Variants in SHANK2 observed in about 807,000 individuals in gnomAD.
SHANK2 encodes SH3 and multiple ankyrin repeat domains protein 2.
Under a neutral mutation model 133.7 loss-of-function variants are expected in SHANK2, and 43 were observed. That is an observed-to-expected ratio of 0.32 (90% confidence interval 0.25 to 0.41). The LOEUF is 0.41. Ranked by LOEUF, SHANK2 falls within the 10% of genes least tolerant of loss-of-function variation. SHANK2 has a pLI of 1.00. For synonymous variants in SHANK2, 1,017 were observed against 952.8 expected (o/e 1.07, Z -1.24); for missense variants, 1,994 against 2,235.8 (o/e 0.89, Z 2.18).
rs914534270 is a variant in SHANK2 at position 71,081,161 on chromosome 11, T to C, written c.913-5886A>G. ...ACACAGACACACAGAGGGACGACCC[T>C]GTGAAGATGCAGAGAAAAGGCGGTG... On this transcript the variant is annotated intron_variant, in intron 8 of 25. Transcript: ENST00000601538. 2.6e-5 allele frequency among the ~76,000 whole-genome samples: 4 copies of C among 152,190 alleles called. No individual in the cohort carries two copies. The East Asian group carries it at 7.7e-4, about 29-fold the overall frequency.
chr11:70,767,017 G>A (rs548871643), intron 14 of SHANK2, among the ~76,000 whole-genome samples: 64 of 152,372 alleles, frequency 4.2e-4, no homozygotes, highest in Middle Eastern at 3.4e-3. Context: ...GGCCTACTGT[G>A]TGCCAGGCAC....
rs1172329317 is a variant in SHANK2 at position 70,487,344 on chromosome 11, C to G, written c.2949G>C (p.Gln983His). The change falls in exon 25 of 26, where the codon CAG (glutamine) becomes CAC (histidine). Residue 983 changes from glutamine (Q) to histidine (H), a missense_variant. This residue lies in a region of SHANK2 where 488 missense variants were observed against 642.6 expected (regional missense o/e 0.76). Transcript: ENST00000601538. This position sits in a 1 kb window ranked among gnomAD's most constrained non-coding sequence, Gnocchi z 5.8. Reference protein sequence around the residue: ...PQANFRNKRGQMPENPYSEVG... With the variant: ...PQANFRNKRGHMPENPYSEVG... ...CCTCTGAGTATGGGTTTTCTGGCAT[C>G]TGGCCTCTCTTGTTGCGGAAGTTGG... is the stretch of plus-strand genomic sequence containing the variant. 4 of 1,614,204 alleles carry G rather than the reference C, an allele frequency of 2.5e-6. No homozygotes were observed. The African/African-American group carries it at 4.0e-5, about 16-fold the overall frequency.
chr11:70,830,374 C>T lies in SHANK2; in HGVS notation c.1175-9692G>A, dbSNP rs1189726751. ...GGGTCCGGGCCCTCCCAGAAATCCA[C>T]ACTTGGGGTTATTGCAGGAGACGAG... On this transcript the variant is annotated intron_variant, in intron 11 of 25. Transcript: ENST00000601538. This position sits in a 1 kb window ranked among gnomAD's most constrained non-coding sequence, Gnocchi z 4.4. Among the ~76,000 whole-genome samples, 3 of 152,190 alleles carry T rather than the reference C, an allele frequency of 2.0e-5. No individual in the cohort carries two copies. The highest frequency in any genetic ancestry group is 4.4e-5 in the Non-Finnish European group (3 of 68,032).
At chr11:71,142,008 C>T (rs1565475426) in intron 3 of SHANK2, among the ~76,000 whole-genome samples, 1 of 152,030 alleles carries the variant, frequency 6.6e-6, no homozygotes, top group South Asian at 2.1e-4. Flanking sequence ...GAAGAAAAGC[C>T]CCCGAGAATG....
At chr11:71,148,131 C>G (rs12577613) in intron 2 of SHANK2, among the ~76,000 whole-genome samples, 10 of 150,002 alleles carry the variant, frequency 6.7e-5, no homozygotes, top group African/African-American at 2.5e-4. Context: ...GTCGCCCAGG[C>G]TGGAGTGCAA....
rs545093415 is a variant in SHANK2 at position 70,684,538 on chromosome 11, C to T, written c.1853+14150G>A. Reference sequence around the variant, plus strand: ...TTGCACCACTGTGCTCCAGCCTGGGCGACAGAGGGAAACCCTGTCTCTTAG... The same window carrying T: ...TTGCACCACTGTGCTCCAGCCTGGGTGACAGAGGGAAACCCTGTCTCTTAG... On this transcript the variant is annotated intron_variant, in intron 15 of 25. Coordinates refer to ENST00000601538, the MANE Select transcript of SHANK2 (RefSeq NM_012309.5). Among the ~76,000 whole-genome samples the T allele has an allele frequency of 5.7e-4, 87 of 152,224 alleles. 1 individual carries two copies. The South Asian group carries it at 0.011, about 20-fold the overall frequency.
At chr11:71,186,770 T>C (rs1427311716) in intron 2 of SHANK2, among the ~76,000 whole-genome samples, 1 of 152,218 alleles carries the variant, frequency 6.6e-6, no homozygotes, top group Non-Finnish European at 1.5e-5. Context: ...CAGACAGCTA[T>C]CCATAGGAGA....
chr11:70,702,273 A>ATCTTCT (rs1306972263), intron 14 of SHANK2, among the ~76,000 whole-genome samples: 3 of 148,320 alleles, frequency 2.0e-5, no homozygotes, highest in Non-Finnish European at 3.0e-5. Context: ...CATCACCACC[A>ATCTTCT]TCATCATCAT....
At chr11:70,491,850 A>G (rs1452131324) in intron 22 of SHANK2, among the ~76,000 whole-genome samples, 1 of 152,074 alleles carries the variant, frequency 6.6e-6, no homozygotes, top group Non-Finnish European at 1.5e-5. Context: ...CCAGGCACCC[A>G]CTGCGCCCAG....
intron 14 of SHANK2, among the ~76,000 whole-genome samples, chr11:70,752,452 C>T (rs1259093486): frequency 6.6e-6 from 1 of 152,210 alleles, no homozygotes; most frequent in African/African-American, 2.4e-5. Context: ...GGCGCGGTGG[C>T]TCACGCCTGT....
At chr11:70,779,148 G>A (rs1947430129) in intron 14 of SHANK2, among the ~76,000 whole-genome samples, 1 of 152,016 alleles carries the variant, frequency 6.6e-6, no homozygotes, top group African/African-American at 2.4e-5. Flanking sequence ...TCTATTTTGA[G>A]GGTGAACCCA....
chr11:71,114,808 C>T (rs1555100026), intron 4 of SHANK2, among the ~76,000 whole-genome samples: 1 of 152,102 alleles, frequency 6.6e-6, no homozygotes, highest in African/African-American at 2.4e-5. Context: ...CCTTCTCAGG[C>T]TCATGATCAT....
chr11:70,629,757 C>G (rs1041266486), intron 17 of SHANK2, among the ~76,000 whole-genome samples: 5 of 152,144 alleles, frequency 3.3e-5, no homozygotes, highest in Non-Finnish European at 7.3e-5. Context: ...CTGGTGCCCT[C>G]TAATGCCCTG....
intron 1 of SHANK2, among the ~76,000 whole-genome samples, chr11:71,226,946 G>C (rs542746657): frequency 6.6e-6 from 1 of 152,148 alleles, no homozygotes; most frequent in East Asian, 1.9e-4. Context: ...TAAATATATA[G>C]AGCAAATATT....
At chr11:70,915,733 A>C (rs554159729) in intron 10 of SHANK2, among the ~76,000 whole-genome samples, 17 of 152,310 alleles carry the variant, frequency 1.1e-4, no homozygotes, top group African/African-American at 4.1e-4. Flanking sequence ...GGGATGATGG[A>C]GGGGCTGTGG....
intron 11 of SHANK2, among the ~76,000 whole-genome samples, chr11:70,837,802 C>T (rs1948842541): frequency 6.6e-6 from 1 of 151,782 alleles, no homozygotes; most frequent in African/African-American, 2.4e-5. Flanking sequence ...TAGCGAAACC[C>T]TGTTTCTACT....
intron 10 of SHANK2, among the ~76,000 whole-genome samples, chr11:70,938,747 G>C (rs1438456657): frequency 6.6e-6 from 1 of 152,094 alleles, no homozygotes; most frequent in African/African-American, 2.4e-5. Context: ...CCAGGCAGAG[G>C]AACAGCATAT....
At chr11:71,143,734 C>T (rs1164081386) in intron 3 of SHANK2, among the ~76,000 whole-genome samples, 2 of 152,068 alleles carry the variant, frequency 1.3e-5, no homozygotes, top group African/African-American at 4.8e-5. Context: ...AACGAATCAA[C>T]ATTACATAGT....
chr11:71,163,093 A>AAACATAT lies in SHANK2; in HGVS notation c.-12-15756_-12-15755insATATGTT. On this transcript the variant is annotated intron_variant, in intron 2 of 25. Transcript: ENST00000601538. The stretch of plus-strand genomic sequence containing the variant: ...GTCTAAAAAAAAAAAAAAAAAAAAA[A>AAACATAT]ATACATATATATATATATACAGAAT... Among the ~76,000 whole-genome samples, 673 of 84,648 alleles carry AAACATAT rather than the reference A, an allele frequency of 8.0e-3. 68 individuals carry two copies. Among genetic ancestry groups the AAACATAT allele is most frequent in the African/African-American group, 0.029 (627 of 21,746 alleles). The allele number at this position is 84,648 out of a possible 152,430, so 55.5% of individuals were successfully genotyped here.
Sources: gnomAD v4.1 joint callset for allele counts (sites outside exome capture counted in the v4.1 genomes callset) on GRCh38, gnomAD v4.1.1 for gene constraint, gnomAD v4.1.1 regional missense constraint, Gnocchi (gnomAD v3.1) non-coding constraint, MANE v1.5 for transcripts, NCBI Gene and HGNC (gene_info 2026-07-23, HGNC 2026-07-21) for gene names.